The following SOHLH2 variants were observed in gnomAD, a reference collection of about 807,000 sequenced individuals.
SOHLH2 encodes spermatogenesis- and oogenesis-specific basic helix-loop-helix-containing protein 2.
In SOHLH2, 22 loss-of-function variants were observed where a neutral mutation model predicts 50.4. The observed-to-expected ratio is 0.44, with a 90% CI of 0.31 to 0.62. SOHLH2 has a LOEUF of 0.62. Among genes scored for constraint, SOHLH2 ranks in the 20% least tolerant of loss-of-function variants. The pLI is 0.08. For synonymous variants in SOHLH2, 185 were observed against 187.3 expected, an observed-to-expected ratio of 0.99 and a Z score of 0.10; for missense variants, 412 against 504.4, an observed-to-expected ratio of 0.82 and a Z score of 1.76.
chr13:36,211,158 G>C (rs61061054), intron 1 of SOHLH2, among the ~76,000 whole-genome samples: 2 of 152,106 alleles, frequency 1.3e-5, no homozygotes, highest in Non-Finnish European at 2.9e-5. Context: ...TATCTAATAC[G>C]ATCAGGGTGT....
chr13:36,194,089 T>G (rs2138302978), intron 2 of SOHLH2, among the ~76,000 whole-genome samples: 1 of 151,754 alleles, frequency 6.6e-6, no homozygotes, highest in Middle Eastern at 3.4e-3. Flanking sequence ...AAGCCTAAAC[T>G]TTATCCAAAT....
chr13:36,178,478 A>G (rs1287595040), intron 6 of SOHLH2, among the ~76,000 whole-genome samples: 1 of 152,116 alleles, frequency 6.6e-6, no homozygotes, highest in African/African-American at 2.4e-5. Context: ...CCATTGATCT[A>G]TTTGTCAACT....
At chr13:36,197,222 T>A (rs1292347417) in intron 2 of SOHLH2, among the ~76,000 whole-genome samples, 1 of 152,184 alleles carries the variant, frequency 6.6e-6, no homozygotes, top group African/African-American at 2.4e-5. Context: ...TTACGCTGTT[T>A]AAATGTCATG....
chr13:36,188,564 C>T (rs1237445088), intron 6 of SOHLH2, among the ~76,000 whole-genome samples: 1 of 152,142 alleles, frequency 6.6e-6, no homozygotes, highest in East Asian at 1.9e-4. Context: ...CTAGGTCTGG[C>T]TCAATACAAA....
At chr13:36,189,819 G>T in intron 6 of SOHLH2, 127 bp downstream of exon 6, 1 of 850,372 alleles carries the variant, frequency 1.2e-6, no homozygotes, top group Non-Finnish European at 1.7e-6. Flanking sequence ...TGAGTGAGTG[G>T]CATCTATTTG....
intron 6 of SOHLH2, among the ~76,000 whole-genome samples, chr13:36,178,614 A>G (rs1887155818): frequency 6.6e-6 from 1 of 152,114 alleles, no homozygotes; most frequent in Admixed American, 6.5e-5. Flanking sequence ...CTTTTCATAC[A>G]TTGTAAAATC....
chr13:36,169,661 G>C (rs1288793214), intron 10 of SOHLH2, among the ~76,000 whole-genome samples: 1 of 152,158 alleles, frequency 6.6e-6, no homozygotes, highest in Non-Finnish European at 1.5e-5. Flanking sequence ...ATTTTAAGTA[G>C]GCCAATTTAG....
rs1455052821 is a variant in SOHLH2, at chr13:36,214,554, G to C, written c.-28C>G. 1 of 1,606,402 alleles carries C rather than the reference G, an allele frequency of 6.2e-7. No homozygotes were observed. The highest frequency in any genetic ancestry group is 1.7e-4 in the Middle Eastern group (1 of 6,054). On this transcript the variant is annotated 5_prime_UTR_variant, in exon 1 of 11. Coordinates refer to ENST00000379881, the MANE Select transcript of SOHLH2 (RefSeq NM_017826.3). ...CCGCTGCGCACGTGCTGGGTCCTGG[G>C]GCAGCCTCCCAGCAGGAGGAGCTCC...
chr13:36,213,836 TAAGC>T (rs1869266515), intron 1 of SOHLH2, among the ~76,000 whole-genome samples: 1 of 151,972 alleles, frequency 6.6e-6, no homozygotes, highest in African/African-American at 2.4e-5. Context: ...AAACTGAAAA[TAAGC>T]ATGCCCAGCT....
At chr13:36,196,126 A>AGATAGATAGATAGAT (rs71084410) in intron 2 of SOHLH2, among the ~76,000 whole-genome samples, 1 of 135,260 alleles carries the variant, frequency 7.4e-6, no homozygotes, top group African/African-American at 2.9e-5. Context: ...ATAGATAGAT[A>AGATAGATAGATAGAT]ATTTTTTTTT....
At chr13:36,178,563 T>C (rs529796125) in intron 6 of SOHLH2, among the ~76,000 whole-genome samples, 1 of 152,182 alleles carries the variant, frequency 6.6e-6, no homozygotes, top group Admixed American at 6.5e-5. Flanking sequence ...GTCCTTCTAC[T>C]TTGTTGTACT....
intron 10 of SOHLH2, 121 bp from the exon 11 acceptor site, chr13:36,169,175 T>A (rs560699117): frequency 2.2e-6 from 3 of 1,372,742 alleles, no homozygotes; most frequent in South Asian, 4.0e-5. Flanking sequence ...CTATGTTAAA[T>A]CCTCAGGTGA....
intron 5 of SOHLH2, 66 bp from the exon 6 acceptor site, chr13:36,190,122 C>T (rs1039703386): frequency 1.0e-5 from 15 of 1,439,288 alleles, no homozygotes; most frequent in African/African-American, 2.8e-5. Flanking sequence ...TTAAATAATA[C>T]GCACCAATAC....
chr13:36,180,656 T>A (rs949733634), intron 6 of SOHLH2, among the ~76,000 whole-genome samples: 4 of 151,536 alleles, frequency 2.6e-5, no homozygotes, highest in East Asian at 1.9e-4. Context: ...TTTTTTTTTT[T>A]AATTTCCATA....
intron 1 of SOHLH2, among the ~76,000 whole-genome samples, chr13:36,211,930 C>A (rs1593965744): frequency 6.6e-6 from 1 of 152,288 alleles, no homozygotes; most frequent in East Asian, 1.9e-4. Context: ...GGGCCTCCTG[C>A]AGAGCATAAG....
Position 36,170,804 on chromosome 13 carries a change from A to G in SOHLH2, c.1001-17T>C. On this transcript the variant is annotated splice_polypyrimidine_tract_variant and intron_variant, in intron 9 of 10. Coordinates refer to ENST00000379881, the MANE Select transcript of SOHLH2 (RefSeq NM_017826.3). ...TTGATGGAACTTTAATGAGAAAGAA[A>G]ACAAATATGGGTCAGTATCCACAAT... 6.2e-7 allele frequency: 1 copy of G among 1,607,948 alleles called. No individual in the cohort carries two copies. Among genetic ancestry groups the G allele is most frequent in the Non-Finnish European group, 8.5e-7 (1 of 1,175,664 alleles).
chr13:36,184,484 C>T lies in SOHLH2; in HGVS notation c.641+5462G>A, dbSNP rs866353995. Among the ~76,000 whole-genome samples, 454 of 72,780 alleles carry T rather than the reference C, an allele frequency of 6.2e-3. 2 individuals carry two copies. Among genetic ancestry groups the T allele is most frequent in the Middle Eastern group, 0.021 (2 of 96 alleles). 47.7% of individuals were successfully genotyped at this position (72,780 alleles called of 152,430 possible). A position where few individuals can be genotyped will look rare whatever the true frequency, so the allele number is the denominator to read the frequency against. ...CCTTTTTTTTTTTTTTTTTTTGAGA[C>T]GGAGTCTTGCTCTTGCCCAGGCTGG... is the stretch of plus-strand genomic sequence containing the variant. On this transcript the variant is annotated intron_variant, in intron 6 of 10. Transcript: ENST00000379881.
chr13:36,206,209 A>T (rs1262076673), intron 1 of SOHLH2, among the ~76,000 whole-genome samples: 1 of 152,058 alleles, frequency 6.6e-6, no homozygotes, highest in Non-Finnish European at 1.5e-5. Flanking sequence ...CATTCTCAAC[A>T]TCCTCATGTG....
intron 2 of SOHLH2, among the ~76,000 whole-genome samples, chr13:36,196,113 T>TAGATAGATAGAC (rs1887717410): frequency 6.7e-6 from 1 of 150,040 alleles, no homozygotes; most frequent in African/African-American, 2.5e-5. Context: ...GATAGATAGA[T>TAGATAGATAGAC]AGATAGATAG....
Sources: allele counts gnomAD v4.1 joint callset (sites outside exome capture counted in the v4.1 genomes callset), GRCh38; gene constraint gnomAD v4.1.1; transcripts MANE v1.5; gene names NCBI Gene and HGNC (gene_info 2026-07-23, HGNC 2026-07-21).